Variants in RFTN1 observed in about 807,000 individuals in gnomAD.
RFTN1 encodes raftlin, lipid raft linker 1.
A neutral mutation model predicts 46.5 loss-of-function variants in RFTN1; 26 were observed. The ratio of observed to expected loss-of-function variants is 0.56; its 90% CI spans 0.41 to 0.78. The LOEUF (loss-of-function observed/expected upper bound fraction) is 0.78, where lower values mean the gene tolerates loss of function less well. Ranked by LOEUF, RFTN1 falls within the 30% of genes least tolerant of loss-of-function variation. The probability of loss-of-function intolerance (pLI) is 0.00; values close to 1 mark genes in which losing one functional copy is unlikely to be tolerated. For synonymous variants in RFTN1, 261 were observed against 284.2 expected, an observed-to-expected ratio of 0.92 and a Z score of 0.82; for missense variants, 693 against 718.7, an observed-to-expected ratio of 0.96 and a Z score of 0.41.
In RFTN1 at chr3:16,377,840, TTGGCGAGGGGCACCTCCCC is replaced by T; in HGVS notation, c.685_703del (p.Gly229SerfsTer20). 6.2e-7 allele frequency: 1 copy of T among 1,614,190 alleles called. No homozygotes were observed. The highest frequency in any genetic ancestry group is 8.5e-7 in the Non-Finnish European group (1 of 1,180,016). Reference sequence around the variant, plus strand: ...CTCTCCGGAGGGTGAGCTGGGCTGCTTGGCGAGGGGCACCTCCCCTCTGGGGCCTGAGCTGGGCTCTGGG... The same window carrying T: ...CTCTCCGGAGGGTGAGCTGGGCTGCTTCTGGGGCCTGAGCTGGGCTCTGGG... On this transcript the variant is annotated frameshift_variant, in exon 5 of 10. Transcript: ENST00000334133. LOFTEE classifies it high-confidence loss of function.
chr3:16,398,232 G>A (rs2074517400), intron 4 of RFTN1, among the ~76,000 whole-genome samples: 1 of 113,110 alleles, frequency 8.8e-6, no homozygotes, highest in African/African-American at 3.1e-5. Flanking sequence ...GGGTGACAGA[G>A]AAAGACTGTC....
At chr3:16,454,655 C>T in intron 2 of RFTN1, 1 of 531,340 alleles carries the variant, frequency 1.9e-6, no homozygotes, top group Non-Finnish European at 2.4e-6. Flanking sequence ...TTCTCCTCTC[C>T]TCCTCATTCC....
rs2076073909 is a variant in RFTN1 at position 16,465,441 on chromosome 3, C to A, written c.145+28284G>T. On this transcript the variant is annotated intron_variant, in intron 2 of 9. Transcript: ENST00000334133. The surrounding 1 kb of genome is among the most constrained non-coding windows in gnomAD (Gnocchi z 5.1). ...AGGGACACACACACACACACACACA[C>A]ACACACACACACACCCCATGCCTGA... 6.6e-6 allele frequency among the ~76,000 whole-genome samples: 1 copy of A among 151,654 alleles called. No individual in the cohort carries two copies. The highest frequency in any genetic ancestry group is 6.6e-5 in the Admixed American group (1 of 15,212).
intron 2 of RFTN1, among the ~76,000 whole-genome samples, chr3:16,471,628 T>G (rs1279414790): frequency 6.6e-6 from 1 of 151,972 alleles, no homozygotes. Context: ...ATTTTTCCAT[T>G]TTTAAAACTC....
At chr3:16,328,042 T>A (rs2069909054) in intron 7 of RFTN1, among the ~76,000 whole-genome samples, 1 of 152,214 alleles carries the variant, frequency 6.6e-6, no homozygotes, top group Admixed American at 6.5e-5. Flanking sequence ...CCCACATAGT[T>A]CATTTATCAG....
rs1229004619 is a variant in RFTN1, at chr3:16,392,868, GAGTTGC to G, written c.442-14772_442-14767del. On this transcript the variant is annotated intron_variant, in intron 4 of 9. Coordinates refer to ENST00000334133, the MANE Select transcript of RFTN1 (RefSeq NM_015150.2). ...GCCAGATACTGAAAAAAGCTACTTG[GAGTTGC>G]AAAAAAAGAAAATGTGTGAGTCTCC... is the stretch of plus-strand genomic sequence containing the variant. Among the ~76,000 whole-genome samples, 4 of 151,894 alleles carry G rather than the reference GAGTTGC, an allele frequency of 2.6e-5. No homozygotes were observed. In the East Asian group the frequency reaches 5.8e-4, roughly 22 times the overall value.
chr3:16,415,546 T>C (rs2075062546), intron 3 of RFTN1, among the ~76,000 whole-genome samples: 1 of 151,678 alleles, frequency 6.6e-6, no homozygotes, highest in Non-Finnish European at 1.5e-5. Flanking sequence ...TCCCAGGTAT[T>C]ACTTAAAGCA....
At chr3:16,492,620 A>G (rs1020417250) in intron 2 of RFTN1, among the ~76,000 whole-genome samples, 1 of 152,216 alleles carries the variant, frequency 6.6e-6, no homozygotes. Flanking sequence ...CCCAGGGAGA[A>G]AATGTGTTCA....
At position 16,348,940 on chromosome 3, in the gene RFTN1, G is replaced by C. The variant is rs1459998403; in HGVS notation, c.1146+8992C>G. Among the ~76,000 whole-genome samples, 1 of 152,204 alleles carries C rather than the reference G, an allele frequency of 6.6e-6. No individual in the cohort carries two copies. Among genetic ancestry groups the C allele is most frequent in the African/African-American group, 2.4e-5 (1 of 41,444 alleles). On this transcript the variant is annotated intron_variant, in intron 7 of 9. Coordinates refer to ENST00000334133, the MANE Select transcript of RFTN1 (RefSeq NM_015150.2). The surrounding 1 kb of genome is among the most constrained non-coding windows in gnomAD (Gnocchi z 6.3). Reference sequence around the variant, plus strand: ...TGGCTGCTGCCAAGGAGGAGGCAGAGGGAAAATTCTGGCTAAAAGAGGTAA... The same window carrying C: ...TGGCTGCTGCCAAGGAGGAGGCAGACGGAAAATTCTGGCTAAAAGAGGTAA...
intron 3 of RFTN1, among the ~76,000 whole-genome samples, chr3:16,431,145 G>A (rs1406555405): frequency 2.6e-5 from 4 of 152,170 alleles, no homozygotes; most frequent in African/African-American, 9.7e-5. Flanking sequence ...CCCCTTGCAC[G>A]ACACTGCTTA....
Position 16,433,916 on chromosome 3 carries a change from G to A in RFTN1, c.267C>T (p.Thr89=), listed in dbSNP as rs2075445392. ...LAALHPFVQP[T]HEREKTPLEH... is the part of the protein sequence containing the mutation. ...CCAGGGGCGTCTTCTCCCGCTCATG[G>A]GTGGGCTGCACGAAGGGGTGCAGGG... is the stretch of plus-strand genomic sequence containing the variant. Residue 89 remains threonine, a synonymous_variant, in exon 3 of 10, where the codon ACC becomes ACT. Transcript: ENST00000334133. This position sits in a 1 kb window ranked among gnomAD's most constrained non-coding sequence, Gnocchi z 4.4. The A allele has an allele frequency of 6.2e-7, 1 of 1,614,218 alleles. No individual in the cohort carries two copies. The highest frequency in any genetic ancestry group is 1.3e-5 in the African/African-American group (1 of 75,060).
chr3:16,424,764 CATT>C lies in RFTN1; in HGVS notation c.332+9084_332+9086del, dbSNP rs747783569. On this transcript the variant is annotated intron_variant, in intron 3 of 9. Transcript: ENST00000334133. The surrounding 1 kb of genome is among the most constrained non-coding windows in gnomAD (Gnocchi z 4.7). ...AATTTGGACAGATTTTAGAGACAAT[CATT>C]ATATAAAAATCTCATGAACATTTAA... 1.3e-5 allele frequency among the ~76,000 whole-genome samples: 2 copies of C among 152,074 alleles called. No individual in the cohort carries two copies. The highest frequency in any genetic ancestry group is 2.4e-5 in the African/African-American group (1 of 41,404).
chr3:16,509,066 G>A lies in RFTN1; in HGVS notation c.-9+4376C>T, dbSNP rs945973648. 1.3e-5 allele frequency among the ~76,000 whole-genome samples: 2 copies of A among 152,146 alleles called. No homozygotes were observed. The highest frequency in any genetic ancestry group is 2.9e-5 in the Non-Finnish European group (2 of 68,026). ...GGCTACTGTATTGAACAGTTCAGCTGGCAACGTCTTTCTGTTCCTTCAATA... is the reference window on the plus strand; with the variant it reads ...GGCTACTGTATTGAACAGTTCAGCTAGCAACGTCTTTCTGTTCCTTCAATA... On this transcript the variant is annotated intron_variant, in intron 1 of 9. Coordinates refer to ENST00000334133, the MANE Select transcript of RFTN1 (RefSeq NM_015150.2). This position sits in a 1 kb window ranked among gnomAD's most constrained non-coding sequence, Gnocchi z 4.9.
At chr3:16,476,323 C>T (rs2124959672) in intron 2 of RFTN1, among the ~76,000 whole-genome samples, 2 of 152,294 alleles carry the variant, frequency 1.3e-5, no homozygotes, top group Admixed American at 1.3e-4. Flanking sequence ...TTCAGTCATT[C>T]AACAAGCATC....
At chr3:16,331,114 G>C (rs1368388981) in intron 7 of RFTN1, among the ~76,000 whole-genome samples, 1 of 152,210 alleles carries the variant, frequency 6.6e-6, no homozygotes, top group Admixed American at 6.5e-5. Context: ...AAAGTGACTG[G>C]GGACAGTTTG....
chr3:16,318,920 G>C (rs2068731510), intron 9 of RFTN1, among the ~76,000 whole-genome samples: 1 of 152,184 alleles, frequency 6.6e-6, no homozygotes. Context: ...TGGTGTCTCA[G>C]ACCCACCTCC....
In RFTN1 at chr3:16,481,206, T is replaced by C. The variant is rs1279907835; in HGVS notation, c.145+12519A>G. Among the ~76,000 whole-genome samples, 3 of 152,178 alleles carry C rather than the reference T, an allele frequency of 2.0e-5. No homozygotes were observed. The highest frequency in any genetic ancestry group is 6.5e-5 in the Admixed American group (1 of 15,280). ...ACTCCCATTAGTGAATATTTAACAA[T>C]AACACTAACGCTAATAGCAGACTTG... On this transcript the variant is annotated intron_variant, in intron 2 of 9. Transcript: ENST00000334133. This position sits in a 1 kb window ranked among gnomAD's most constrained non-coding sequence, Gnocchi z 5.1.
chr3:16,406,319 G>C (rs1169237102), intron 4 of RFTN1, among the ~76,000 whole-genome samples: 2 of 152,204 alleles, frequency 1.3e-5, no homozygotes, highest in African/African-American at 4.8e-5. Context: ...AGAAACTAAA[G>C]CCACAGCCAG....
rs574173406 is a variant in RFTN1 at position 16,466,722 on chromosome 3, A to C, written c.145+27003T>G. Among the ~76,000 whole-genome samples, 2 of 152,340 alleles carry C rather than the reference A, an allele frequency of 1.3e-5. No homozygotes were observed. The highest frequency in any genetic ancestry group is 4.8e-5 in the African/African-American group (2 of 41,578). On this transcript the variant is annotated intron_variant, in intron 2 of 9. Transcript: ENST00000334133. The surrounding 1 kb of genome is among the most constrained non-coding windows in gnomAD (Gnocchi z 5.6). ...TGCCAAACAAGACTGCCAGCTTCTC[A>C]AAGCAAGAACTATACTGAGGTAGGT...
Sources: allele counts gnomAD v4.1 joint callset (sites outside exome capture counted in the v4.1 genomes callset), GRCh38; gene constraint gnomAD v4.1.1; non-coding constraint Gnocchi (gnomAD v3.1); transcripts MANE v1.5; gene names NCBI Gene and HGNC (gene_info 2026-07-23, HGNC 2026-07-21).